Variants in RPH3AL observed in about 807,000 individuals in gnomAD.
The protein encoded by RPH3AL is rabphilin 3A like (without C2 domains), also known as rab effector Noc2.
Under a neutral mutation model 43.1 loss-of-function variants are expected in RPH3AL, and 38 were observed. The ratio of observed to expected loss-of-function variants is 0.88; its 90% CI spans 0.68 to 1.15. The LOEUF (loss-of-function observed/expected upper bound fraction) is 1.15. Among genes scored for constraint, RPH3AL ranks in the 50% most tolerant of loss-of-function variants. RPH3AL has a pLI of 0.00. For synonymous variants in RPH3AL, 189 were observed against 176.3 expected (o/e 1.07, Z -0.57); for missense variants, 462 against 423.2 (o/e 1.09, Z -0.81).
chr17:348,144 A>G (rs2045279805), intron 1 of RPH3AL, among the ~76,000 whole-genome samples: 1 of 151,582 alleles, frequency 6.6e-6, no homozygotes, highest in African/African-American at 2.4e-5. Context: ...CCAGTCTGAA[A>G]GGGCTACTTA....
rs79015827 is a variant in RPH3AL, at chr17:328,868, G to A, written c.-36-1289C>T. On this transcript the variant is annotated intron_variant, in intron 2 of 9. Transcript: ENST00000331302. The surrounding 1 kb of genome is among the most constrained non-coding windows in gnomAD (Gnocchi z 4.2). The stretch of plus-strand genomic sequence containing the variant: ...TGAATCTTTAAAACATCCTAAGTAA[G>A]AAAAGCCAGTCATAAAAGACCACGT... Among the ~76,000 whole-genome samples, 7,250 of 152,220 alleles carry A rather than the reference G, an allele frequency of 0.048. 596 individuals carry two copies. Among genetic ancestry groups the A allele is most frequent in the African/African-American group, 0.16 (6,811 of 41,498 alleles).
chr17:229,540 A>T (rs1359926991), intron 7 of RPH3AL, among the ~76,000 whole-genome samples: 3 of 152,234 alleles, frequency 2.0e-5, no homozygotes, highest in Admixed American at 1.3e-4. Context: ...CTGGGCAAGC[A>T]GCCCTTCTGA....
chr17:298,005 G>A (rs1434481187), intron 5 of RPH3AL, among the ~76,000 whole-genome samples: 1 of 152,072 alleles, frequency 6.6e-6, no homozygotes, highest in Non-Finnish European at 1.5e-5. Context: ...GCCTTGCCAA[G>A]CCCACCACGC....
At chr17:308,650 A>G (rs1315089264) in intron 5 of RPH3AL, among the ~76,000 whole-genome samples, 2 of 152,244 alleles carry the variant, frequency 1.3e-5, no homozygotes, top group African/African-American at 4.8e-5. Flanking sequence ...ATGCTACATC[A>G]TGGATGAACC....
In RPH3AL at chr17:320,132, G is replaced by T. The variant is rs1458947547; in HGVS notation, c.222-583C>A. Among the ~76,000 whole-genome samples the T allele has an allele frequency of 1.2e-3, 15 of 12,062 alleles. 1 individual carries two copies. Among genetic ancestry groups the T allele is most frequent in the African/African-American group, 6.2e-3 (10 of 1,608 alleles). 7.9% of individuals were successfully genotyped at this position (12,062 alleles called of 152,430 possible). ...GAGGGACATTGAGGGGAGGGAGGGG[G>T]AGGGACATTGAGGGGAGGGAGGGGG... On this transcript the variant is annotated intron_variant, in intron 4 of 9. Transcript: ENST00000331302.
chr17:339,910 G>A (rs137961541), intron 1 of RPH3AL, among the ~76,000 whole-genome samples: 230 of 152,272 alleles, frequency 1.5e-3, no homozygotes, highest in Non-Finnish European at 2.5e-3. Context: ...CAGAGGAGAC[G>A]GGCTGGCTGT....
In RPH3AL at chr17:348,300, C is replaced by T. The variant is rs543907859; in HGVS notation, c.-213+4412G>A. Reference sequence around the variant, plus strand: ...GAAGGCAGCAAAGCCATTATTCTCCCCACATGTCCTTACACATTGGTTGAA... The same window carrying T: ...GAAGGCAGCAAAGCCATTATTCTCCTCACATGTCCTTACACATTGGTTGAA... On this transcript the variant is annotated intron_variant, in intron 1 of 9. Transcript: ENST00000331302. 1.2e-4 allele frequency among the ~76,000 whole-genome samples: 18 copies of T among 152,266 alleles called. No individual in the cohort carries two copies. In the South Asian group the frequency reaches 2.5e-3, roughly 21 times the overall value.
chr17:349,622 G>A (rs1387200489), intron 1 of RPH3AL, among the ~76,000 whole-genome samples: 1 of 151,658 alleles, frequency 6.6e-6, no homozygotes, highest in South Asian at 2.1e-4. Context: ...AGGAGTTCGA[G>A]ACCAACCTGG....
At chr17:317,790 C>A (rs1325453515) in intron 5 of RPH3AL, among the ~76,000 whole-genome samples, 1 of 152,216 alleles carries the variant, frequency 6.6e-6, no homozygotes, top group Non-Finnish European at 1.5e-5. Flanking sequence ...TCTCATCCAG[C>A]TTTTGAATGC....
intron 6 of RPH3AL, among the ~76,000 whole-genome samples, chr17:263,296 C>G (rs1434053919): frequency 6.6e-6 from 1 of 152,038 alleles, no homozygotes; most frequent in African/African-American, 2.4e-5. Context: ...ATCAAAGAGC[C>G]GAAAGTAATA....
At chr17:224,020 G>A (rs572064342) in intron 7 of RPH3AL, among the ~76,000 whole-genome samples, 4 of 152,332 alleles carry the variant, frequency 2.6e-5, no homozygotes, top group Middle Eastern at 3.4e-3. Context: ...CAGGGGACTC[G>A]TGGTCTTGCC....
At chr17:241,536 A>G (rs1452069170) in intron 7 of RPH3AL, among the ~76,000 whole-genome samples, 5 of 152,138 alleles carry the variant, frequency 3.3e-5, no homozygotes, top group African/African-American at 7.2e-5. Flanking sequence ...GCCTGGAGGG[A>G]TGCTCCTGAT....
In RPH3AL at chr17:287,015, A is replaced by G. The variant is rs113988586; in HGVS notation, c.352-5161T>C. Among the ~76,000 whole-genome samples, 81 of 34,926 alleles carry G rather than the reference A, an allele frequency of 2.3e-3. 3 individuals are homozygous for G. The highest frequency in any genetic ancestry group is 5.3e-3 in the African/African-American group (37 of 6,948). 22.9% of individuals were successfully genotyped at this position (34,926 alleles called of 152,430 possible). On this transcript the variant is annotated intron_variant, in intron 5 of 9. Coordinates refer to ENST00000331302, the MANE Select transcript of RPH3AL (RefSeq NM_006987.4). ...CACCCTCTCTCCACCGTCAGACCTC[A>G]CACCCTCTCTCCACCGTCAGACCTC...
At chr17:294,938 T>C (rs1338215787) in intron 5 of RPH3AL, among the ~76,000 whole-genome samples, 1 of 50,032 alleles carries the variant, frequency 2.0e-5, no homozygotes, top group Non-Finnish European at 3.8e-5. Flanking sequence ...GCTGCAGAAA[T>C]GGATGGACAG....
At chr17:315,166 C>T (rs796219298) in intron 5 of RPH3AL, among the ~76,000 whole-genome samples, 580 of 24,944 alleles carry the variant, frequency 0.023, 1 homozygote, top group Middle Eastern at 0.053. Flanking sequence ...TCCCTGTGCC[C>T]CCACCTCCAT....
In RPH3AL at chr17:215,494, G is replaced by A. The variant is rs1440399740; in HGVS notation, c.876+160C>T. ...TCCCTCTCTCTGTTCCTTGCAGGCAGGGATGGGGTCTGGCTCACCTTGTTC... is the reference window on the plus strand; with the variant it reads ...TCCCTCTCTCTGTTCCTTGCAGGCAAGGATGGGGTCTGGCTCACCTTGTTC... On this transcript the variant is annotated intron_variant, in intron 9 of 9. Transcript: ENST00000331302. The surrounding 1 kb of genome is among the most constrained non-coding windows in gnomAD (Gnocchi z 4.1). Among the ~76,000 whole-genome samples, 1 of 152,254 alleles carries A rather than the reference G, an allele frequency of 6.6e-6. No individual in the cohort carries two copies. The highest frequency in any genetic ancestry group is 1.5e-5 in the Non-Finnish European group (1 of 68,040).
At chr17:308,071 G>A (rs553604970) in intron 5 of RPH3AL, among the ~76,000 whole-genome samples, 1 of 152,302 alleles carries the variant, frequency 6.6e-6, no homozygotes, top group South Asian at 2.1e-4. Context: ...AGCTTCAGTC[G>A]CTGAATGAAA....
At position 341,622 on chromosome 17, in the gene RPH3AL, G is replaced by A. The variant is rs539092078; in HGVS notation, c.-212-7688C>T. ...TTTCTTAGAGGACACCAAAAAATAG[G>A]TGTCATCTACATTTTGGTGTCATCT... On this transcript the variant is annotated intron_variant, in intron 1 of 9. Transcript: ENST00000331302. Among the ~76,000 whole-genome samples, 13 of 152,222 alleles carry A rather than the reference G, an allele frequency of 8.5e-5. No individual in the cohort carries two copies. In the South Asian group the frequency reaches 1.5e-3, roughly 17 times the overall value.
intron 5 of RPH3AL, among the ~76,000 whole-genome samples, chr17:298,014 G>GCCAGCCC (rs1179090497): frequency 2.6e-5 from 4 of 151,930 alleles, no homozygotes; most frequent in Admixed American, 2.6e-4. Context: ...AGCCCACCAC[G>GCCAGCCC]CCAGCCCCAC....
Sources: allele counts gnomAD v4.1 joint callset (sites outside exome capture counted in the v4.1 genomes callset), GRCh38; gene constraint gnomAD v4.1.1; non-coding constraint Gnocchi (gnomAD v3.1); transcripts MANE v1.5; gene names NCBI Gene and HGNC (gene_info 2026-07-23, HGNC 2026-07-21).